LIMA1: variants seen among roughly 807,000 people sequenced by gnomAD.
LIMA1 encodes the protein LIM domain and actin-binding protein 1.
Under a neutral mutation model 62.6 loss-of-function variants are expected in LIMA1, and 52 were observed. That is an observed-to-expected ratio of 0.83 (90% confidence interval 0.67 to 1.05). LIMA1 has a LOEUF of 1.05. LIMA1 is among the 50% of genes least tolerant of loss of function. The pLI is 0.00. For missense variants in LIMA1, 780 were observed against 902.2 expected, an observed-to-expected ratio of 0.86 and a Z score of 1.74; for synonymous variants, 302 against 317.8, an observed-to-expected ratio of 0.95 and a Z score of 0.53.
chr12:50,205,644 C>A (rs571929816), intron 5 of LIMA1, among the ~76,000 whole-genome samples: 1 of 151,966 alleles, frequency 6.6e-6, no homozygotes, highest in Non-Finnish European at 1.5e-5. Context: ...CAAAACTGAT[C>A]GTAGCACTTT....
rs370134956 is a variant in LIMA1, at chr12:50,200,143, C to T, written c.972+634G>A. 2.6e-5 allele frequency among the ~76,000 whole-genome samples: 4 copies of T among 152,274 alleles called. No homozygotes were observed. In the South Asian group the frequency reaches 6.2e-4, roughly 24 times the overall value. ...CTCTCGACCTCAGATGATCTGCCTG[C>T]CTTGGCCTCCCAAAGTGCTGGGATT... On this transcript the variant is annotated intron_variant, in intron 7 of 10. Transcript: ENST00000341247.
At chr12:50,228,112 C>T (rs905180627) in intron 3 of LIMA1, among the ~76,000 whole-genome samples, 17 of 152,166 alleles carry the variant, frequency 1.1e-4, no homozygotes, top group African/African-American at 3.9e-4. Flanking sequence ...CCCGCCTCGG[C>T]CTCCCAAAGT....
intron 1 of LIMA1, among the ~76,000 whole-genome samples, chr12:50,270,281 T>A (rs777381496): frequency 6.0e-4 from 84 of 139,256 alleles, no homozygotes; most frequent in Non-Finnish European, 9.4e-4. Context: ...TTAGGTGTTA[T>A]CAACGCATCA....
intron 1 of LIMA1, among the ~76,000 whole-genome samples, chr12:50,268,407 AT>A (rs1942165560): frequency 6.6e-6 from 1 of 152,062 alleles, no homozygotes; most frequent in South Asian, 2.1e-4. Flanking sequence ...AAACATGTTA[AT>A]TTTTGCAGAC....
At chr12:50,218,901 AAAAAAAAACAAAAAC>A (rs1941395097) in intron 4 of LIMA1, among the ~76,000 whole-genome samples, 2 of 132,252 alleles carry the variant, frequency 1.5e-5, no homozygotes, top group African/African-American at 6.1e-5. Context: ...TCCATAAAAA[AAAAAAAAACAAAAAC>A]AAAAAAAAAA....
At chr12:50,218,994 A>G (rs1941398655) in intron 4 of LIMA1, among the ~76,000 whole-genome samples, 1 of 152,194 alleles carries the variant, frequency 6.6e-6, no homozygotes, top group Non-Finnish European at 1.5e-5. Context: ...TCTTCTCTAT[A>G]AAGTCTACTA....
chr12:50,250,098 G>C (rs931072145), intron 1 of LIMA1, among the ~76,000 whole-genome samples: 4 of 151,776 alleles, frequency 2.6e-5, no homozygotes, highest in African/African-American at 9.7e-5. Flanking sequence ...CAGGAGTTTA[G>C]GACCAGCCTG....
At position 50,206,034 on chromosome 12, in the gene LIMA1, C is replaced by T; in HGVS notation, c.665G>A (p.Arg222Lys). Residue 222 changes from arginine (R) to lysine (K), a missense_variant, in exon 5 of 11, where the codon AGG becomes AAG. Arg to Lys is a conservative substitution (Grantham distance 26, BLOSUM62 2). Transcript: ENST00000341247. ...LRAQSRSASGRKISENSYSLD... is the reference protein window; with the variant it reads ...LRAQSRSASGKKISENSYSLD... ...AGAATAGCTGTTTTCAGAGATCTTCCTTCCACTTGCACTTCGGCTTTGGGC... is the reference window on the plus strand; with the variant it reads ...AGAATAGCTGTTTTCAGAGATCTTCTTTCCACTTGCACTTCGGCTTTGGGC... 6.2e-7 allele frequency: 1 copy of T among 1,612,986 alleles called. No homozygotes were observed. The highest frequency in any genetic ancestry group is 8.5e-7 in the Non-Finnish European group (1 of 1,179,268).
intron 9 of LIMA1, among the ~76,000 whole-genome samples, chr12:50,182,783 T>C (rs1403246036): frequency 3.9e-5 from 6 of 152,220 alleles, no homozygotes; most frequent in African/African-American, 1.2e-4. Context: ...GTTTGTAAAG[T>C]TGGAACAAAC....
chr12:50,202,079 G>A (rs1357570319), intron 6 of LIMA1: 1 of 152,140 alleles, frequency 6.6e-6, no homozygotes, highest in Non-Finnish European at 1.5e-5. Flanking sequence ...GTATGACTTA[G>A]TCACCTAGTG....
Position 50,195,890 on chromosome 12 carries a change from A to AC in LIMA1, c.973-4dup. 6.9e-7 allele frequency: 1 copy of AC among 1,449,678 alleles called. No homozygotes were observed. The highest frequency in any genetic ancestry group is 1.7e-5 in the African/African-American group (1 of 60,024). 89.8% of individuals were successfully genotyped at this position (1,449,678 alleles called of 1,614,324 possible). On this transcript the variant is annotated splice_polypyrimidine_tract_variant and splice_region_variant and intron_variant, in intron 7 of 10. Transcript: ENST00000341247. The stretch of plus-strand genomic sequence containing the variant: ...AGGCTATTCTCATTTGCAGAAATCT[A>AC]CAAAAAAAAAAAAAAAAAAAAAGTT...
intron 1 of LIMA1, among the ~76,000 whole-genome samples, chr12:50,283,183 T>C (rs1942360662): frequency 9.0e-6 from 1 of 110,670 alleles, no homozygotes; most frequent in African/African-American, 3.5e-5. Context: ...ACGGGGTATT[T>C]GCAGCTCCCG....
chr12:50,231,103 T>A (rs1334484215), intron 3 of LIMA1, among the ~76,000 whole-genome samples: 1 of 152,148 alleles, frequency 6.6e-6, no homozygotes, highest in Non-Finnish European at 1.5e-5. Flanking sequence ...CAAGTAAAAT[T>A]TCAAAAGACA....
chr12:50,199,112 G>A (rs563388559), intron 7 of LIMA1, among the ~76,000 whole-genome samples: 4 of 152,108 alleles, frequency 2.6e-5, no homozygotes, highest in South Asian at 4.1e-4. Context: ...GGTGGATCAC[G>A]TGAGGTCAGG....
chr12:50,221,548 G>A lies in LIMA1; in HGVS notation c.630+473C>T, dbSNP rs184999637. 1.6e-3 allele frequency among the ~76,000 whole-genome samples: 248 copies of A among 152,274 alleles called. 2 individuals carry two copies. Among genetic ancestry groups the A allele is most frequent in the African/African-American group, 5.8e-3 (241 of 41,576 alleles). Reference sequence around the variant, plus strand: ...AGCTGATAGAAAACATTTGTTGGAAGGCACAGATGAGGAAGTTGAGAAGAA... The same window carrying A: ...AGCTGATAGAAAACATTTGTTGGAAAGCACAGATGAGGAAGTTGAGAAGAA... On this transcript the variant is annotated intron_variant, in intron 4 of 10. Coordinates refer to ENST00000341247, the MANE Select transcript of LIMA1 (RefSeq NM_016357.5).
rs147428955 is a variant in LIMA1 at position 50,231,294 on chromosome 12, G to A, written c.165+371C>T. Among the ~76,000 whole-genome samples the A allele has an allele frequency of 1.4e-4, 21 of 152,274 alleles. No homozygotes were observed. In the East Asian group the frequency reaches 2.1e-3, roughly 15 times the overall value. Reference sequence around the variant, plus strand: ...CCCAGAAGATGACAACAGCTGCACAGCTACTACCATTTAAATGCACAGATG... The same window carrying A: ...CCCAGAAGATGACAACAGCTGCACAACTACTACCATTTAAATGCACAGATG... On this transcript the variant is annotated intron_variant, in intron 3 of 10. Transcript: ENST00000341247.
intron 4 of LIMA1, among the ~76,000 whole-genome samples, chr12:50,210,384 C>T (rs1430473033): frequency 7.0e-6 from 1 of 142,368 alleles, no homozygotes; most frequent in Non-Finnish European, 1.5e-5. Flanking sequence ...GATTACTGCA[C>T]TCCAGCCTGG....
intron 2 of LIMA1, among the ~76,000 whole-genome samples, chr12:50,241,101 C>T (rs546241065): frequency 6.6e-6 from 1 of 152,260 alleles, no homozygotes; most frequent in African/African-American, 2.4e-5. Flanking sequence ...ACCCATATTC[C>T]TTTAATGGGC....
In LIMA1 at chr12:50,177,578, C is replaced by G. The variant is rs564473856; in HGVS notation, c.1766G>C (p.Arg589Pro). ...RRSSSLKERSRPFTVAASFQS... is the reference protein window; with the variant it reads ...RRSSSLKERSPPFTVAASFQS... ...AAATGAAGCTGCTACAGTGAATGGG[C>G]GGCTTCTTTCCTTCAGTGAAGAAGA... Residue 589 changes from arginine (R) to proline (P), a missense_variant, in exon 11 of 11, where the codon CGC (arginine) becomes CCC (proline). Physicochemically the swap from Arg to Pro is moderately radical, Grantham distance 103 (BLOSUM62 -2). Coordinates refer to ENST00000341247, the MANE Select transcript of LIMA1 (RefSeq NM_016357.5). 7.4e-6 allele frequency: 12 copies of G among 1,611,408 alleles called. No individual in the cohort carries two copies. The South Asian group carries it at 1.2e-4, about 16-fold the overall frequency.
Sources: gnomAD v4.1 joint callset for allele counts (sites outside exome capture counted in the v4.1 genomes callset) on GRCh38, gnomAD v4.1.1 for gene constraint, MANE v1.5 for transcripts, NCBI Gene and HGNC (gene_info 2026-07-23, HGNC 2026-07-21) for gene names.